The following SCUBE3 variants were observed in gnomAD, a reference collection of about 807,000 sequenced individuals.
SCUBE3 encodes the protein signal peptide, CUB and EGF-like domain-containing protein 3.
Under a neutral mutation model 116.8 loss-of-function variants are expected in SCUBE3, and 33 were observed. That is an observed-to-expected ratio of 0.28 (90% CI 0.21 to 0.38). SCUBE3 has a LOEUF of 0.38. Among genes scored for constraint, SCUBE3 ranks in the 10% least tolerant of loss-of-function variants. The pLI, the probability that SCUBE3 is intolerant of heterozygous loss-of-function variation, is 1.00. For synonymous variants in SCUBE3, 418 were observed against 496.9 expected, an observed-to-expected ratio of 0.84 and a Z score of 2.11; for missense variants, 1,007 against 1,324.8, an observed-to-expected ratio of 0.76 and a Z score of 3.72.
chr6:35,237,876 C>A lies in SCUBE3; in HGVS notation c.713-26C>A, dbSNP rs372814558. On this transcript the variant is annotated intron_variant, in intron 6 of 21. Coordinates refer to ENST00000274938, the MANE Select transcript of SCUBE3 (RefSeq NM_152753.4). ...CTCCTCCAGGCTTGTAACCTCATTA[C>A]CATCCCCCACTTCCCTCCTAAACAG... The A allele has an allele frequency of 5.2e-5, 75 of 1,446,772 alleles. No homozygotes were observed. In the African/African-American group the frequency reaches 9.2e-4, roughly 18 times the overall value. 89.6% of individuals were successfully genotyped at this position (1,446,772 alleles called of 1,614,324 possible). A position where few individuals can be genotyped will look rare whatever the true frequency, so the allele number is the denominator to read the frequency against.
At position 35,248,927 on chromosome 6, in the gene SCUBE3, A is replaced by G; in HGVS notation, c.*222A>G. 1.8e-6 allele frequency: 1 copy of G among 559,922 alleles called. No individual in the cohort carries two copies. Among genetic ancestry groups the G allele is most frequent in the East Asian group, 3.0e-5 (1 of 32,882 alleles). The allele number at this position is 559,922 out of a possible 1,614,324, so 34.7% of individuals were successfully genotyped here. On this transcript the variant is annotated 3_prime_UTR_variant, in exon 22 of 22. Transcript: ENST00000274938. The stretch of plus-strand genomic sequence containing the variant: ...ACTGTTCCCCCTTTTCTAACACACT[A>G]CCTAGAAAAGCCATTCAGTACTGGC...
At chr6:35,217,799 CA>C (rs1782984906) in intron 1 of SCUBE3, among the ~76,000 whole-genome samples, 1 of 152,182 alleles carries the variant, frequency 6.6e-6, no homozygotes, top group Non-Finnish European at 1.5e-5. Context: ...AGTCCCCACT[CA>C]GAGCCTGATC....
In SCUBE3 at chr6:35,248,792, C is replaced by A; in HGVS notation, c.*87C>A. ...CAGCCCCCTACCCTCAGACAAGGAA[C>A]TCTCTCCTCTCTTTTTGGAGGGAAA... is the stretch of plus-strand genomic sequence containing the variant. On this transcript the variant is annotated 3_prime_UTR_variant, in exon 22 of 22. Transcript: ENST00000274938. The A allele has an allele frequency of 1.0e-6, 1 of 1,000,280 alleles. No individual in the cohort carries two copies. Among genetic ancestry groups the A allele is most frequent in the Non-Finnish European group, 1.5e-6 (1 of 663,440 alleles). 62.0% of individuals were successfully genotyped at this position (1,000,280 alleles called of 1,614,324 possible).
At position 35,240,534 on chromosome 6, in the gene SCUBE3, C is replaced by A. The variant is rs201784281; in HGVS notation, c.1069+44C>A. On this transcript the variant is annotated intron_variant, in intron 9 of 21. Transcript: ENST00000274938. This position sits in a 1 kb window ranked among gnomAD's most constrained non-coding sequence, Gnocchi z 4.6. Reference sequence around the variant, plus strand: ...ACCCCCAGCCACCCTGGCCCCCTCACCTCTTCACCCTCCAATTGAACAGGT... The same window carrying A: ...ACCCCCAGCCACCCTGGCCCCCTCAACTCTTCACCCTCCAATTGAACAGGT... 1 of 948,442 alleles carries A rather than the reference C, an allele frequency of 1.1e-6. No individual in the cohort carries two copies. The highest frequency in any genetic ancestry group is 1.6e-6 in the Non-Finnish European group (1 of 607,532). 58.8% of individuals were successfully genotyped at this position (948,442 alleles called of 1,614,324 possible). A position where few individuals can be genotyped will look rare whatever the true frequency, so the allele number is the denominator to read the frequency against.
At position 35,245,125 on chromosome 6, in the gene SCUBE3, A is replaced by C. The variant is rs957128645; in HGVS notation, c.2402-103A>C. 1 of 1,055,642 alleles carries C rather than the reference A, an allele frequency of 9.5e-7. No homozygotes were observed. Among genetic ancestry groups the C allele is most frequent in the African/African-American group, 1.6e-5 (1 of 63,810 alleles). 65.4% of individuals were successfully genotyped at this position (1,055,642 alleles called of 1,614,324 possible). ...TGATGAACTAGAACGCAGACTTCCC[A>C]TAAATGTCTGACCTCTACTTCAGAA... On this transcript the variant is annotated intron_variant, in intron 18 of 21. Coordinates refer to ENST00000274938, the MANE Select transcript of SCUBE3 (RefSeq NM_152753.4). The surrounding 1 kb of genome is among the most constrained non-coding windows in gnomAD (Gnocchi z 4.2).
intron 7 of SCUBE3, among the ~76,000 whole-genome samples, chr6:35,238,447 A>G (rs1240760862): frequency 6.6e-6 from 1 of 152,132 alleles, no homozygotes; most frequent in Non-Finnish European, 1.5e-5. Flanking sequence ...CTACCCCTCG[A>G]AAGGCTGTAC....
In SCUBE3 at chr6:35,244,083, C is replaced by T. The variant is rs781543170; in HGVS notation, c.2192C>T (p.Thr731Ile). ...TLCFPCGGGL[T>I]TKHEGAISFQ... ...TGCTTCCCTTGTGGTGGGGGCCTCA[C>T]CACCAAGCATGAAGGGGCCATTTCC... The change falls in exon 17 of 22, where the codon ACC becomes ATC. Residue 731 changes from threonine (T) to isoleucine (I), a missense_variant. Thr to Ile is a moderately conservative substitution (Grantham distance 89). Around this residue, in one of 5 missense-constraint regions of SCUBE3, gnomAD observed 544 missense variants for 638.9 expected, o/e 0.85. Transcript: ENST00000274938. This position sits in a 1 kb window ranked among gnomAD's most constrained non-coding sequence, Gnocchi z 4.3. 1 of 1,614,086 alleles carries T rather than the reference C, an allele frequency of 6.2e-7. No individual in the cohort carries two copies. Among genetic ancestry groups the T allele is most frequent in the Non-Finnish European group, 8.5e-7 (1 of 1,179,976 alleles).
intron 6 of SCUBE3, among the ~76,000 whole-genome samples, chr6:35,237,525 T>C (rs1783826129): frequency 6.6e-6 from 1 of 152,138 alleles, no homozygotes; most frequent in African/African-American, 2.4e-5. Context: ...TATCTGTCCC[T>C]TCTGGTTCCC....
chr6:35,231,944 C>T lies in SCUBE3; in HGVS notation c.469+85C>T. 8.4e-7 allele frequency: 1 copy of T among 1,189,660 alleles called. No homozygotes were observed. 73.7% of individuals were successfully genotyped at this position (1,189,660 alleles called of 1,614,324 possible). ...GTCCCTCAGCAGCCCCTAAGTCTCA[C>T]CCTCCATTCTCAACTCAGCTAGCTC... On this transcript the variant is annotated intron_variant, in intron 4 of 21. Coordinates refer to ENST00000274938, the MANE Select transcript of SCUBE3 (RefSeq NM_152753.4). The surrounding 1 kb of genome is among the most constrained non-coding windows in gnomAD (Gnocchi z 4.2).
Position 35,241,418 on chromosome 6 carries a change from G to A in SCUBE3, c.1196-125G>A. The stretch of plus-strand genomic sequence containing the variant: ...TTGAGTTAAAGACATGAAATTTGTA[G>A]TAAACAATCCCATCATCAGTCTCCA... On this transcript the variant is annotated intron_variant, in intron 10 of 21. Transcript: ENST00000274938. This position sits in a 1 kb window ranked among gnomAD's most constrained non-coding sequence, Gnocchi z 4.1. 8.8e-7 allele frequency: 1 copy of A among 1,134,880 alleles called. No homozygotes were observed. Among genetic ancestry groups the A allele is most frequent in the Non-Finnish European group, 1.3e-6 (1 of 763,428 alleles). 70.3% of individuals were successfully genotyped at this position (1,134,880 alleles called of 1,614,324 possible). A position where few individuals can be genotyped will look rare whatever the true frequency, so the allele number is the denominator to read the frequency against.
Position 35,244,990 on chromosome 6 carries a change from G to A in SCUBE3, c.2401+179G>A, listed in dbSNP as rs1784270058. Among the ~76,000 whole-genome samples the A allele has an allele frequency of 6.6e-6, 1 of 152,150 alleles. No homozygotes were observed. Among genetic ancestry groups the A allele is most frequent in the Non-Finnish European group, 1.5e-5 (1 of 68,020 alleles). Reference sequence around the variant, plus strand: ...AAGGCCAGTTGCTAGGCTGGACCCTGTAACACCCTCTCCCTGGAGACAGTT... The same window carrying A: ...AAGGCCAGTTGCTAGGCTGGACCCTATAACACCCTCTCCCTGGAGACAGTT... On this transcript the variant is annotated intron_variant, in intron 18 of 21. Transcript: ENST00000274938. This position sits in a 1 kb window ranked among gnomAD's most constrained non-coding sequence, Gnocchi z 4.3.
intron 2 of SCUBE3, 81 bp downstream of exon 2, chr6:35,227,783 C>G (rs1377545906): frequency 1.4e-6 from 2 of 1,448,936 alleles, no homozygotes; most frequent in African/African-American, 1.4e-5. Context: ...TGGCCACTCT[C>G]CATCACATCA....
At chr6:35,230,954 G>A (rs536880414) in intron 3 of SCUBE3, among the ~76,000 whole-genome samples, 2 of 152,300 alleles carry the variant, frequency 1.3e-5, no homozygotes, top group South Asian at 4.1e-4. Flanking sequence ...GGGCTCCAGG[G>A]TGAGCTTGGC....
In SCUBE3 at chr6:35,240,794, G is replaced by A. The variant is rs1784007476; in HGVS notation, c.1069+304G>A. On this transcript the variant is annotated intron_variant, in intron 9 of 21. Transcript: ENST00000274938. This position sits in a 1 kb window ranked among gnomAD's most constrained non-coding sequence, Gnocchi z 4.6. ...AGGAGTGGAAGGCTTTAAAAAGCTT[G>A]TTGGCTTGGCCCCTTCTCGATCATT... Among the ~76,000 whole-genome samples, 3 of 152,346 alleles carry A rather than the reference G, an allele frequency of 2.0e-5. No homozygotes were observed. The South Asian group carries it at 6.2e-4, about 32-fold the overall frequency.
chr6:35,241,848 C>T lies in SCUBE3; in HGVS notation c.1355C>T (p.Pro452Leu). The T allele has an allele frequency of 1.2e-6, 2 of 1,613,048 alleles. No individual in the cohort carries two copies. Among genetic ancestry groups the T allele is most frequent in the Non-Finnish European group, 1.7e-6 (2 of 1,179,982 alleles). The change falls in exon 12 of 22, where the codon CCC becomes CTC. Residue 452 changes from proline (P) to leucine (L), a missense_variant. Around this residue, in one of 5 missense-constraint regions of SCUBE3, gnomAD observed 544 missense variants for 638.9 expected, o/e 0.85. Transcript: ENST00000274938. This position sits in a 1 kb window ranked among gnomAD's most constrained non-coding sequence, Gnocchi z 4.1. ...ACGGTGAGCTGTGGGACCCCCAGCC[C>T]CAGGGCTGCTCCAGCCCGAGCTGGC... ...GFTVSCGTPS[P>L]RAAPARAGHN... is the part of the protein sequence containing the mutation.
rs964337377 is a variant in SCUBE3 at position 35,251,495 on chromosome 6, T to C, written c.*2790T>C. ...CTCTCTGCCAGCCGTTTTGCGTCTC[T>C]TGGAAAGCCAAACGGTGACCATGCT... On this transcript the variant is annotated 3_prime_UTR_variant, in exon 22 of 22. Transcript: ENST00000274938. The C allele has an allele frequency of 7.2e-5, 11 of 152,274 alleles. No individual in the cohort carries two copies. The highest frequency in any genetic ancestry group is 7.2e-4 in the Admixed American group (11 of 15,286). 9.4% of individuals were successfully genotyped at this position (152,274 alleles called of 1,614,324 possible).
rs1014061633 is a variant in SCUBE3 at position 35,233,788 on chromosome 6, T to C, written c.712+487T>C. Among the ~76,000 whole-genome samples, 1 of 152,174 alleles carries C rather than the reference T, an allele frequency of 6.6e-6. No individual in the cohort carries two copies. Among genetic ancestry groups the C allele is most frequent in the Non-Finnish European group, 1.5e-5 (1 of 68,024 alleles). ...CTGGAACAACCATCCCTGAACTGAC[T>C]GACAGATGGGGTTTCCTGGCTCCAG... On this transcript the variant is annotated intron_variant, in intron 6 of 21. Coordinates refer to ENST00000274938, the MANE Select transcript of SCUBE3 (RefSeq NM_152753.4). This position sits in a 1 kb window ranked among gnomAD's most constrained non-coding sequence, Gnocchi z 5.7.
intron 1 of SCUBE3, among the ~76,000 whole-genome samples, chr6:35,215,379 C>T (rs1488430923): frequency 6.6e-6 from 1 of 152,182 alleles, no homozygotes; most frequent in East Asian, 1.9e-4. Flanking sequence ...TGATGTACTA[C>T]AGTTCTCTCG....
Position 35,241,880 on chromosome 6 carries a change from G to A in SCUBE3, c.1387G>A (p.Gly463Arg). Reference protein sequence around the residue: ...RAAPARAGHNGNSTNSNHCHE... With the variant: ...RAAPARAGHNRNSTNSNHCHE... ...TGCTCCAGCCCGAGCTGGCCACAAT[G>A]GGAACAGCACCAACTCCAACCACTG... Residue 463 changes from glycine (G) to arginine (R), a missense_variant, in exon 12 of 22, where the codon GGG becomes AGG. Coordinates refer to ENST00000274938, the MANE Select transcript of SCUBE3 (RefSeq NM_152753.4). The surrounding 1 kb of genome is among the most constrained non-coding windows in gnomAD (Gnocchi z 4.1). 1 of 1,610,932 alleles carries A rather than the reference G, an allele frequency of 6.2e-7. No individual in the cohort carries two copies. Among genetic ancestry groups the A allele is most frequent in the African/African-American group, 1.3e-5 (1 of 75,032 alleles).
Sources: allele counts gnomAD v4.1 joint callset (sites outside exome capture counted in the v4.1 genomes callset), GRCh38; gene constraint gnomAD v4.1.1; regional missense constraint gnomAD v4.1.1; non-coding constraint Gnocchi (gnomAD v3.1); transcripts MANE v1.5; gene names NCBI Gene and HGNC (gene_info 2026-07-23, HGNC 2026-07-21).